SLC9C2: variants seen among roughly 807,000 people sequenced by gnomAD.
The protein encoded by SLC9C2 is sodium/hydrogen exchanger 11.
In SLC9C2, 75 loss-of-function variants were observed where a neutral mutation model predicts 140.2. That is an observed-to-expected ratio of 0.53 (90% CI 0.44 to 0.65). The LOEUF (loss-of-function observed/expected upper bound fraction) is 0.65, where lower values mean the gene tolerates loss of function less well. Ranked by LOEUF, SLC9C2 falls within the 30% of genes least tolerant of loss-of-function variation. The pLI is 0.00. For synonymous variants in SLC9C2, 375 were observed against 420.9 expected, an observed-to-expected ratio of 0.89 and a Z score of 1.34; for missense variants, 1,074 against 1,331.8, an observed-to-expected ratio of 0.81 and a Z score of 3.01.
At chr1:173,532,861 A>G (rs1661677481) in intron 17 of SLC9C2, among the ~76,000 whole-genome samples, 1 of 152,202 alleles carries the variant, frequency 6.6e-6, no homozygotes, top group Non-Finnish European at 1.5e-5. Context: ...AGCCTGGACA[A>G]TAAAGTGAGA....
At chr1:173,523,165 A>G (rs1366441609) in intron 21 of SLC9C2, among the ~76,000 whole-genome samples, 2 of 152,146 alleles carry the variant, frequency 1.3e-5, no homozygotes, top group African/African-American at 4.8e-5. Context: ...TGAAGTAAGG[A>G]GTTCGAGACC....
In SLC9C2 at chr1:173,599,362, A is replaced by ATTTTTTTTTTTTTTTTTTTTTT. The variant is rs61579339; in HGVS notation, c.228+733_228+754dup. Reference sequence around the variant, plus strand: ...CAAGAGCGCAAACACATTTTCCTTGATTTTTTTTTTTTTTTTTTTTTTTTT... The same window carrying ATTTTTTTTTTTTTTTTTTTTTT: ...CAAGAGCGCAAACACATTTTCCTTGATTTTTTTTTTTTTTTTTTTTTTTTTTTTTTTTTTTTTTTTTTTTTTT... On this transcript the variant is annotated intron_variant, in intron 3 of 27. Coordinates refer to ENST00000367714, the MANE Select transcript of SLC9C2 (RefSeq NM_178527.4). Among the ~76,000 whole-genome samples, 4 of 68,126 alleles carry ATTTTTTTTTTTTTTTTTTTTTT rather than the reference A, an allele frequency of 5.9e-5. 1 individual carries two copies. The highest frequency in any genetic ancestry group is 1.9e-4 in the African/African-American group (4 of 21,144). The allele number at this position is 68,126 out of a possible 152,430, so 44.7% of individuals were successfully genotyped here. A position where few individuals can be genotyped will look rare whatever the true frequency, so the allele number is the denominator to read the frequency against.
In SLC9C2 at chr1:173,513,273, G is replaced by T. The variant is rs181247401; in HGVS notation, c.2908-3574C>A. 1.2e-3 allele frequency among the ~76,000 whole-genome samples: 180 copies of T among 152,094 alleles called. 3 individuals carry two copies. The highest frequency in any genetic ancestry group is 0.01 in the Admixed American group (159 of 15,300). On this transcript the variant is annotated intron_variant, in intron 23 of 27. Coordinates refer to ENST00000367714, the MANE Select transcript of SLC9C2 (RefSeq NM_178527.4). ...CTCTTTGTATCTCTGGTGGAATTCG[G>T]CTGTGAATCTATCTGGTCCTGGGCT...
intron 23 of SLC9C2, among the ~76,000 whole-genome samples, chr1:173,516,069 C>G (rs746833479): frequency 1.2e-4 from 18 of 152,106 alleles, no homozygotes; most frequent in Non-Finnish European, 2.4e-4. Flanking sequence ...TTGAGGGGCA[C>G]CGAACTGATG....
intron 7 of SLC9C2, among the ~76,000 whole-genome samples, chr1:173,579,628 C>T (rs1028742928): frequency 1.3e-5 from 2 of 152,218 alleles, no homozygotes; most frequent in African/African-American, 4.8e-5. Flanking sequence ...TCACAGAAAT[C>T]AGCTTCAAAG....
intron 4 of SLC9C2, among the ~76,000 whole-genome samples, chr1:173,589,073 G>C (rs1666013832): frequency 6.6e-6 from 1 of 152,124 alleles, no homozygotes; most frequent in African/African-American, 2.4e-5. Context: ...GAAAGACCCT[G>C]TCTCTAAAAA....
intron 18 of SLC9C2, among the ~76,000 whole-genome samples, chr1:173,527,341 G>A (rs1255366665): frequency 6.6e-6 from 1 of 152,182 alleles, no homozygotes; most frequent in African/African-American, 2.4e-5. Flanking sequence ...GAAAAGATCA[G>A]TATGTACTCC....
At chr1:173,514,488 G>A (rs1412027195) in intron 23 of SLC9C2, among the ~76,000 whole-genome samples, 1 of 150,174 alleles carries the variant, frequency 6.7e-6, no homozygotes, top group African/African-American at 2.4e-5. Context: ...CTTTTTTTTT[G>A]TTTGTTTTCC....
intron 17 of SLC9C2, among the ~76,000 whole-genome samples, chr1:173,530,546 A>C (rs1392188486): frequency 1.3e-5 from 2 of 152,208 alleles, no homozygotes; most frequent in Admixed American, 1.3e-4. Context: ...TCATAAGCTA[A>C]GGCAGGCTAG....
intron 23 of SLC9C2, among the ~76,000 whole-genome samples, chr1:173,515,028 G>A (rs1360779562): frequency 6.6e-6 from 1 of 152,210 alleles, no homozygotes; most frequent in Non-Finnish European, 1.5e-5. Flanking sequence ...TCCACTGTTA[G>A]TCTGATGGGC....
chr1:173,599,510 G>A (rs1666653244), intron 3 of SLC9C2, among the ~76,000 whole-genome samples: 1 of 151,232 alleles, frequency 6.6e-6, no homozygotes, highest in African/African-American at 2.4e-5. Flanking sequence ...GAGTAGCTGG[G>A]ACTACAGGCG....
chr1:173,512,772 A>C (rs2101911604), intron 23 of SLC9C2, among the ~76,000 whole-genome samples: 1 of 152,304 alleles, frequency 6.6e-6, no homozygotes, highest in South Asian at 2.1e-4. Flanking sequence ...ATTCAGTATG[A>C]TATTGGCTGT....
chr1:173,567,213 G>A (rs1042513460), intron 9 of SLC9C2, among the ~76,000 whole-genome samples: 8 of 152,032 alleles, frequency 5.3e-5, no homozygotes, highest in African/African-American at 1.9e-4. Flanking sequence ...TAAGTCCAAT[G>A]TTTCTTTGTT....
intron 13 of SLC9C2, among the ~76,000 whole-genome samples, chr1:173,543,344 G>A (rs1300853850): frequency 6.6e-6 from 1 of 152,170 alleles, no homozygotes; most frequent in Non-Finnish European, 1.5e-5. Flanking sequence ...ACTGCTCAAT[G>A]AAATAAAAGG....
chr1:173,538,645 G>C (rs755686104), intron 13 of SLC9C2, among the ~76,000 whole-genome samples: 1 of 152,178 alleles, frequency 6.6e-6, no homozygotes, highest in Non-Finnish European at 1.5e-5. Flanking sequence ...TCTTGGAGGA[G>C]ATGATACTTC....
In SLC9C2 at chr1:173,544,841, A is replaced by G. The variant is rs532047999; in HGVS notation, c.1557+2848T>C. ...TTGGACACAGGGCGGGGAACATCACACACCAGGGCCTGTCATGGGGTAGGG... is the reference window on the plus strand; with the variant it reads ...TTGGACACAGGGCGGGGAACATCACGCACCAGGGCCTGTCATGGGGTAGGG... On this transcript the variant is annotated intron_variant, in intron 13 of 27. Transcript: ENST00000367714. Among the ~76,000 whole-genome samples the G allele has an allele frequency of 5.3e-5, 8 of 152,256 alleles. No homozygotes were observed. In the East Asian group the frequency reaches 1.5e-3, roughly 29 times the overall value.
chr1:173,600,111 C>G lies in SLC9C2; in HGVS notation c.228+6G>C, dbSNP rs187262068. The G allele has an allele frequency of 2.0e-4, 323 of 1,575,828 alleles. No homozygotes were observed. The highest frequency in any genetic ancestry group is 2.7e-4 in the Non-Finnish European group (313 of 1,154,658). ...TTTATTCTCTAATTTATTGTACATA[C>G]AGTACCTCAACAGAATTGTAGGCCA... On this transcript the variant is annotated splice_donor_region_variant and intron_variant, in intron 3 of 27. Transcript: ENST00000367714.
chr1:173,591,617 C>T (rs1008236037), intron 4 of SLC9C2, among the ~76,000 whole-genome samples: 1 of 152,072 alleles, frequency 6.6e-6, no homozygotes, highest in Middle Eastern at 3.2e-3. Flanking sequence ...TTGCATATCT[C>T]TATTATCAGT....
chr1:173,577,304 G>C (rs947224344), intron 7 of SLC9C2, among the ~76,000 whole-genome samples: 1 of 152,216 alleles, frequency 6.6e-6, no homozygotes, highest in African/African-American at 2.4e-5. Flanking sequence ...CATGTGCTGA[G>C]AGTTGTGAGC....
Sources: allele counts gnomAD v4.1 joint callset (sites outside exome capture counted in the v4.1 genomes callset), GRCh38; gene constraint gnomAD v4.1.1; transcripts MANE v1.5; gene names NCBI Gene and HGNC (gene_info 2026-07-23, HGNC 2026-07-21).